The following ENPP3 variants were observed in gnomAD, a reference collection of about 807,000 sequenced individuals.
ENPP3 encodes the protein ectonucleotide pyrophosphatase/phosphodiesterase 3.
Under a neutral mutation model 117.8 loss-of-function variants are expected in ENPP3, and 104 were observed. The ratio of observed to expected loss-of-function variants is 0.88; its 90% CI spans 0.75 to 1.04. The LOEUF is 1.04. ENPP3 is among the 50% of genes least tolerant of loss of function. The pLI, the probability that ENPP3 is intolerant of heterozygous loss-of-function variation, is 0.00. For synonymous variants in ENPP3, 380 were observed against 349.9 expected (o/e 1.09, Z -0.96); for missense variants, 1,026 against 1,051.9 (o/e 0.98, Z 0.34).
intron 12 of ENPP3, among the ~76,000 whole-genome samples, chr6:131,685,030 C>T (rs1453321347): frequency 6.6e-6 from 1 of 152,104 alleles, no homozygotes. Flanking sequence ...AGTGAGTTCC[C>T]CCCTCAGCCT....
chr6:131,688,329 T>G (rs957945347), intron 14 of ENPP3, among the ~76,000 whole-genome samples: 21 of 152,188 alleles, frequency 1.4e-4, no homozygotes, highest in Non-Finnish European at 1.5e-4. Context: ...CAATTAGTAA[T>G]GCTACAATGG....
chr6:131,735,568 A>G (rs772443655), intron 21 of ENPP3, among the ~76,000 whole-genome samples: 19 of 152,180 alleles, frequency 1.2e-4, no homozygotes, highest in Non-Finnish European at 2.1e-4. Context: ...CAACCTGGGT[A>G]AAATGGCCAG....
intron 6 of ENPP3, among the ~76,000 whole-genome samples, chr6:131,669,052 C>G (rs780650563): frequency 3.7e-4 from 57 of 152,240 alleles, no homozygotes; most frequent in Middle Eastern, 3.4e-3. Context: ...TATCCTCTAG[C>G]TTTACCCATT....
chr6:131,647,409 T>TTTGTAATATTCTCC (rs1778174307), intron 2 of ENPP3, among the ~76,000 whole-genome samples: 1 of 152,206 alleles, frequency 6.6e-6, no homozygotes, highest in South Asian at 2.1e-4. Context: ...TGTAATTATG[T>TTTGTAATATTCTCC]ATAACACTAT....
intron 6 of ENPP3, among the ~76,000 whole-genome samples, chr6:131,661,321 G>A (rs1053115189): frequency 4.6e-5 from 7 of 151,890 alleles, no homozygotes; most frequent in African/African-American, 9.7e-5. Flanking sequence ...CAGCTATGCC[G>A]TTTTGCCTTT....
chr6:131,652,358 T>C (rs77525415), intron 3 of ENPP3, among the ~76,000 whole-genome samples, 184 bp from the exon 4 acceptor site: 2,520 of 152,356 alleles, frequency 0.017, 69 homozygotes, highest in African/African-American at 0.058. Flanking sequence ...CATTTCTCTC[T>C]GCCACCTGGC....
At chr6:131,672,204 C>T (rs1778759291) in intron 7 of ENPP3, among the ~76,000 whole-genome samples, 1 of 152,152 alleles carries the variant, frequency 6.6e-6, no homozygotes, top group African/African-American at 2.4e-5. Flanking sequence ...AAGGTCTAAC[C>T]AGGAGACATT....
At chr6:131,643,451 G>A (rs1778092861) in intron 2 of ENPP3, among the ~76,000 whole-genome samples, 1 of 152,086 alleles carries the variant, frequency 6.6e-6, no homozygotes, top group Non-Finnish European at 1.5e-5. Context: ...TTTCATCTGA[G>A]TTGATCAGCC....
At chr6:131,727,889 G>C (rs149619888) in intron 20 of ENPP3, among the ~76,000 whole-genome samples, 2 of 152,272 alleles carry the variant, frequency 1.3e-5, no homozygotes, top group Non-Finnish European at 1.5e-5. Context: ...TTTATGGAAA[G>C]GAAATAATTG....
chr6:131,715,681 G>A (rs1367762005), intron 15 of ENPP3, among the ~76,000 whole-genome samples: 1 of 152,054 alleles, frequency 6.6e-6, no homozygotes, highest in African/African-American at 2.4e-5. Context: ...CACTCTCCTG[G>A]AGTAAGAGAT....
intron 6 of ENPP3, among the ~76,000 whole-genome samples, chr6:131,664,967 T>C (rs1412236375): frequency 2.0e-5 from 3 of 152,162 alleles, no homozygotes; most frequent in Non-Finnish European, 2.9e-5. Context: ...TGAAAGGGTG[T>C]TGAATTTTAT....
At chr6:131,653,219 T>TC (rs1562429977) in intron 5 of ENPP3, among the ~76,000 whole-genome samples, 3 of 152,134 alleles carry the variant, frequency 2.0e-5, no homozygotes, top group East Asian at 3.9e-4. Flanking sequence ...AGTCTTGACC[T>TC]CCCAGACACA....
intron 5 of ENPP3, among the ~76,000 whole-genome samples, chr6:131,655,325 C>T (rs577684399): frequency 6.6e-6 from 1 of 152,298 alleles, no homozygotes; most frequent in Admixed American, 6.5e-5. Flanking sequence ...ACATGTTAGT[C>T]CTTATAAAAA....
chr6:131,655,464 G>A (rs1022534425), intron 5 of ENPP3, among the ~76,000 whole-genome samples: 1 of 152,134 alleles, frequency 6.6e-6, no homozygotes, highest in African/African-American at 2.4e-5. Context: ...AGGCAGTAAG[G>A]ACCCAGAGTC....
At chr6:131,665,825 T>C (rs2114358381) in intron 6 of ENPP3, among the ~76,000 whole-genome samples, 1 of 152,258 alleles carries the variant, frequency 6.6e-6, no homozygotes, top group South Asian at 2.1e-4. Flanking sequence ...TTATTTGAAA[T>C]TGTTCTTCTT....
chr6:131,683,870 C>T (rs1779087476), intron 12 of ENPP3, among the ~76,000 whole-genome samples: 3 of 151,286 alleles, frequency 2.0e-5, no homozygotes, highest in African/African-American at 7.3e-5. Context: ...CCTGCCTCAA[C>T]CTCTTGAGTA....
intron 15 of ENPP3, 149 bp from the exon 16 acceptor site, chr6:131,718,523 C>A (rs1031951820): frequency 5.1e-6 from 2 of 391,662 alleles, no homozygotes; most frequent in African/African-American, 2.1e-5. Context: ...AAAATTTATT[C>A]TGTTGTTGAT....
chr6:131,676,857 T>A, intron 10 of ENPP3, 56 bp downstream of exon 10: 1 of 1,193,208 alleles, frequency 8.4e-7, no homozygotes, highest in Non-Finnish European at 1.2e-6. Context: ...GGGTAAAAAA[T>A]GAAGTTTTTT....
intron 5 of ENPP3, among the ~76,000 whole-genome samples, chr6:131,657,916 C>T (rs1778418687): frequency 6.6e-6 from 1 of 152,048 alleles, no homozygotes; most frequent in South Asian, 2.1e-4. Flanking sequence ...GTAATCCCAG[C>T]ACTTTGGAGG....
Sources: gnomAD v4.1 joint callset for allele counts (sites outside exome capture counted in the v4.1 genomes callset) on GRCh38, gnomAD v4.1.1 for gene constraint, MANE v1.5 for transcripts, NCBI Gene and HGNC (gene_info 2026-07-23, HGNC 2026-07-21) for gene names.